The following ZNF385B variants were observed in gnomAD, a reference collection of about 807,000 sequenced individuals.
The protein encoded by ZNF385B is zinc finger protein 385B.
Under a neutral mutation model 39.2 loss-of-function variants are expected in ZNF385B, and 23 were observed. The ratio of observed to expected loss-of-function variants is 0.59; its 90% CI spans 0.42 to 0.83. The LOEUF (loss-of-function observed/expected upper bound fraction) is 0.83. ZNF385B is among the 40% of genes least tolerant of loss of function. The pLI is 0.00. For synonymous variants in ZNF385B, 205 were observed against 222.6 expected, an observed-to-expected ratio of 0.92 and a Z score of 0.70; for missense variants, 552 against 598.9, an observed-to-expected ratio of 0.92 and a Z score of 0.82.
intron 3 of ZNF385B, among the ~76,000 whole-genome samples, chr2:179,755,601 T>C (rs1702963827): frequency 6.6e-6 from 1 of 152,210 alleles, no homozygotes; most frequent in African/African-American, 2.4e-5. Flanking sequence ...ACTTGCTTTA[T>C]GAATGTGGGT....
At chr2:179,644,733 A>G (rs1181697318) in intron 3 of ZNF385B, among the ~76,000 whole-genome samples, 1 of 152,150 alleles carries the variant, frequency 6.6e-6, no homozygotes, top group Non-Finnish European at 1.5e-5. Context: ...TCAGCCCATC[A>G]CCTGATCAAA....
At chr2:179,845,316 C>T (rs1708745285) in intron 1 of ZNF385B, among the ~76,000 whole-genome samples, 1 of 152,008 alleles carries the variant, frequency 6.6e-6, no homozygotes, top group Non-Finnish European at 1.5e-5. Flanking sequence ...GGATATAAGA[C>T]AGGTAAGAAA....
chr2:179,667,132 C>T (rs1695268361), intron 3 of ZNF385B, among the ~76,000 whole-genome samples: 1 of 152,086 alleles, frequency 6.6e-6, no homozygotes, highest in Admixed American at 6.6e-5. Flanking sequence ...CCTCTTCCCC[C>T]CACCAAAAGG....
At chr2:179,745,132 C>T (rs571294532) in intron 3 of ZNF385B, among the ~76,000 whole-genome samples, 5 of 152,192 alleles carry the variant, frequency 3.3e-5, no homozygotes, top group Admixed American at 1.3e-4. Flanking sequence ...CATTCTCATT[C>T]GGCACACAGT....
chr2:179,677,193 C>T (rs1696954240), intron 3 of ZNF385B, among the ~76,000 whole-genome samples: 1 of 152,158 alleles, frequency 6.6e-6, no homozygotes, highest in Non-Finnish European at 1.5e-5. Context: ...GCACTCACTC[C>T]AGCAACAGTC....
chr2:179,529,094 A>G (rs1363225264), intron 4 of ZNF385B, among the ~76,000 whole-genome samples: 1 of 151,976 alleles, frequency 6.6e-6, no homozygotes, highest in Admixed American at 6.5e-5. Flanking sequence ...TTCCTATTTG[A>G]GTTTTAAATG....
chr2:179,670,841 G>A (rs1354897974), intron 3 of ZNF385B, among the ~76,000 whole-genome samples: 1 of 152,214 alleles, frequency 6.6e-6, no homozygotes, highest in Non-Finnish European at 1.5e-5. Context: ...AGCAAATCCA[G>A]CCTTCATTGT....
At chr2:179,725,074 T>C (rs1357650028) in intron 3 of ZNF385B, among the ~76,000 whole-genome samples, 2 of 152,076 alleles carry the variant, frequency 1.3e-5, no homozygotes, top group Non-Finnish European at 2.9e-5. Flanking sequence ...CTACTGTACA[T>C]TTATGGGAAA....
intron 3 of ZNF385B, among the ~76,000 whole-genome samples, chr2:179,567,093 T>A (rs1036659944): frequency 3.3e-5 from 5 of 152,178 alleles, no homozygotes; most frequent in Non-Finnish European, 5.9e-5. Context: ...TTTTGTATTT[T>A]TAGTTGAGAC....
intron 1 of ZNF385B, among the ~76,000 whole-genome samples, chr2:179,785,539 T>C (rs1367801510): frequency 6.6e-6 from 1 of 152,160 alleles, no homozygotes; most frequent in African/African-American, 2.4e-5. Flanking sequence ...GAGCTCAAAA[T>C]ATCAACATTC....
chr2:179,585,004 G>A (rs1686939772), intron 3 of ZNF385B, among the ~76,000 whole-genome samples: 1 of 152,116 alleles, frequency 6.6e-6, no homozygotes, highest in Non-Finnish European at 1.5e-5. Flanking sequence ...CAAGTAAGAT[G>A]AGGAGTGACA....
intron 3 of ZNF385B, among the ~76,000 whole-genome samples, chr2:179,634,973 C>CAAA (rs66671134): frequency 0.029 from 3,383 of 115,422 alleles, 71 homozygotes; most frequent in Non-Finnish European, 0.044. Context: ...ACTAAAAATA[C>CAAA]AAAAAAAAAA....
chr2:179,508,485 T>A (rs777379301), intron 5 of ZNF385B, among the ~76,000 whole-genome samples: 5 of 152,210 alleles, frequency 3.3e-5, no homozygotes, highest in Non-Finnish European at 7.3e-5. Context: ...GAAAGGTCAC[T>A]GACAAAAATG....
intron 8 of ZNF385B, 74 bp from the exon 9 acceptor site, chr2:179,445,051 AT>A (rs2049334876): frequency 7.8e-7 from 1 of 1,288,162 alleles, no homozygotes. Flanking sequence ...CTAGGTAGCT[AT>A]TTTCTCCATT....
intron 3 of ZNF385B, among the ~76,000 whole-genome samples, chr2:179,658,094 G>A (rs1694000469): frequency 6.6e-6 from 1 of 152,198 alleles, no homozygotes; most frequent in South Asian, 2.1e-4. Context: ...CTGCATAGAT[G>A]AATTCAACTG....
At chr2:179,617,854 T>C (rs2106153299) in intron 3 of ZNF385B, among the ~76,000 whole-genome samples, 1 of 152,290 alleles carries the variant, frequency 6.6e-6, no homozygotes, top group South Asian at 2.1e-4. Flanking sequence ...TCAACCCTTC[T>C]AGAGAGAACT....
intron 3 of ZNF385B, among the ~76,000 whole-genome samples, chr2:179,738,371 T>C (rs1009923500): frequency 2.6e-5 from 4 of 152,160 alleles, no homozygotes; most frequent in African/African-American, 9.7e-5. Context: ...CTCCTCTGCA[T>C]TTCACCCAAA....
intron 3 of ZNF385B, among the ~76,000 whole-genome samples, chr2:179,749,868 T>C (rs985001403): frequency 3.9e-5 from 6 of 152,248 alleles, no homozygotes; most frequent in Non-Finnish European, 8.8e-5. Context: ...ATTAAGCAAC[T>C]CTTATCTTTT....
At chr2:179,459,685 C>A (rs1914500) in intron 6 of ZNF385B, among the ~76,000 whole-genome samples, 105,213 of 150,730 alleles carry the variant, frequency 0.7, 37,245 homozygotes, top group East Asian at 0.93. Flanking sequence ...ATTTATAAGT[C>A]TATTTATTAA....
Sources: allele counts gnomAD v4.1 joint callset (sites outside exome capture counted in the v4.1 genomes callset), GRCh38; gene constraint gnomAD v4.1.1; transcripts MANE v1.5; gene names NCBI Gene and HGNC (gene_info 2026-07-23, HGNC 2026-07-21).